Variants in SAMD3 observed in about 807,000 individuals in gnomAD.
The protein encoded by SAMD3 is sterile alpha motif domain-containing protein 3.
In SAMD3, 63 loss-of-function variants were observed where a neutral mutation model predicts 58.5. The observed-to-expected ratio is 1.08, with a 90% CI of 0.88 to 1.33. SAMD3 has a LOEUF of 1.33. SAMD3 is among the 40% of genes most tolerant of loss of function. The pLI, the probability that SAMD3 is intolerant of heterozygous loss-of-function variation, is 0.00. For missense variants in SAMD3, 604 were observed against 608.4 expected, an observed-to-expected ratio of 0.99 and a Z score of 0.08; for synonymous variants, 220 against 210.3, an observed-to-expected ratio of 1.05 and a Z score of -0.40.
At chr6:130,269,342 C>A (rs1774474987) in intron 2 of SAMD3, among the ~76,000 whole-genome samples, 1 of 152,080 alleles carries the variant, frequency 6.6e-6, no homozygotes. Flanking sequence ...CCATTTGGGG[C>A]TGGATATTCT....
chr6:130,183,300 A>C (rs529453360), intron 7 of SAMD3: 6 of 438,658 alleles, frequency 1.4e-5, no homozygotes, highest in Middle Eastern at 5.5e-4. Context: ...TCGCGCCACT[A>C]TACTCCAGCC....
At chr6:130,214,018 A>G (rs915886387) in intron 4 of SAMD3, among the ~76,000 whole-genome samples, 6 of 152,184 alleles carry the variant, frequency 3.9e-5, no homozygotes, top group Non-Finnish European at 8.8e-5. Context: ...TGATTTTAAA[A>G]CCAGAGCTTC....
Position 130,189,405 on chromosome 6 carries a change from C to T in SAMD3, c.384-4782G>A, listed in dbSNP as rs9398941. Among the ~76,000 whole-genome samples, 92 of 152,278 alleles carry T rather than the reference C, an allele frequency of 6.0e-4. No homozygotes were observed. In the East Asian group the frequency reaches 9.6e-3, roughly 16 times the overall value. Reference sequence around the variant, plus strand: ...GGTCAGTGCCTTGATCTCAGGCTTACGGCCTCTAGAACCACCAAAAAATAA... The same window carrying T: ...GGTCAGTGCCTTGATCTCAGGCTTATGGCCTCTAGAACCACCAAAAAATAA... On this transcript the variant is annotated intron_variant, in intron 5 of 11. Coordinates refer to ENST00000439090, the MANE Select transcript of SAMD3 (RefSeq NM_001017373.4).
chr6:130,238,422 T>A (rs1773240527), intron 2 of SAMD3, among the ~76,000 whole-genome samples: 1 of 152,180 alleles, frequency 6.6e-6, no homozygotes, highest in Non-Finnish European at 1.5e-5. Flanking sequence ...TTTAGTTCTA[T>A]CAAGTCAATT....
At chr6:130,254,831 G>T (rs1028003832) in intron 2 of SAMD3, among the ~76,000 whole-genome samples, 2 of 151,852 alleles carry the variant, frequency 1.3e-5, no homozygotes, top group Non-Finnish European at 2.9e-5. Context: ...TGAAGAATTG[G>T]TATTAGTTCT....
At chr6:130,210,994 C>T (rs371139529) in intron 4 of SAMD3, among the ~76,000 whole-genome samples, 3 of 151,992 alleles carry the variant, frequency 2.0e-5, no homozygotes, top group African/African-American at 7.2e-5. Context: ...GTGGCATGTG[C>T]CTATAGTCCC....
chr6:130,245,076 A>G (rs1415434485), intron 2 of SAMD3, among the ~76,000 whole-genome samples: 1 of 152,254 alleles, frequency 6.6e-6, no homozygotes, highest in East Asian at 1.9e-4. Flanking sequence ...CATTTGAATT[A>G]GGAGTGTTCT....
At chr6:130,155,993 T>A (rs1485539973) in intron 8 of SAMD3, among the ~76,000 whole-genome samples, 1 of 152,064 alleles carries the variant, frequency 6.6e-6, no homozygotes, top group African/African-American at 2.4e-5. Context: ...ACAGACAAAA[T>A]CTACTTAACT....
At chr6:130,334,182 T>C (rs1411505272) in intron 1 of SAMD3, among the ~76,000 whole-genome samples, 1 of 152,080 alleles carries the variant, frequency 6.6e-6, no homozygotes, top group Non-Finnish European at 1.5e-5. Context: ...GCCACAAATA[T>C]CATCTGAGGC....
At chr6:130,252,276 A>C (rs2114910806) in intron 2 of SAMD3, among the ~76,000 whole-genome samples, 1 of 152,190 alleles carries the variant, frequency 6.6e-6, no homozygotes, top group African/African-American at 2.4e-5. Flanking sequence ...TTCACTTCCA[A>C]CTTATTTGCA....
chr6:130,304,710 C>T (rs1242021192), intron 2 of SAMD3, among the ~76,000 whole-genome samples: 2 of 151,874 alleles, frequency 1.3e-5, no homozygotes, highest in African/African-American at 4.8e-5. Context: ...AAAAATTATG[C>T]CGAAATTTTA....
intron 1 of SAMD3, among the ~76,000 whole-genome samples, chr6:130,361,298 C>T (rs1188255538): frequency 6.6e-6 from 1 of 152,184 alleles, no homozygotes; most frequent in Non-Finnish European, 1.5e-5. Context: ...TCCATGAAAT[C>T]TTCACAATCC....
chr6:130,325,918 C>G lies in SAMD3; in HGVS notation c.-303-12825G>C, dbSNP rs1001020049. Reference sequence around the variant, plus strand: ...GACCGGCCTGGCTTTCACTTGCCTACTTTTCAATTCTGTCAGACACTTAAT... The same window carrying G: ...GACCGGCCTGGCTTTCACTTGCCTAGTTTTCAATTCTGTCAGACACTTAAT... On this transcript the variant is annotated intron_variant, in intron 1 of 13. Coordinates refer to the SAMD3 transcript ENST00000368134. 1.4e-4 allele frequency among the ~76,000 whole-genome samples: 22 copies of G among 152,316 alleles called. No individual in the cohort carries two copies. In the East Asian group the frequency reaches 4.2e-3, roughly 29 times the overall value.
chr6:130,281,001 A>G (rs1166448628), intron 2 of SAMD3, among the ~76,000 whole-genome samples: 1 of 152,232 alleles, frequency 6.6e-6, no homozygotes, highest in African/African-American at 2.4e-5. Flanking sequence ...TTTCCTACAC[A>G]TATGTGCCTA....
upstream of SAMD3, among the ~76,000 whole-genome samples, chr6:130,225,862 C>T (rs1796370283): frequency 6.6e-6 from 1 of 152,218 alleles, no homozygotes; most frequent in South Asian, 2.1e-4. Flanking sequence ...CTTGCCTGGG[C>T]ACCTATTCCT....
chr6:130,194,180 C>A (rs1363477644), intron 5 of SAMD3, among the ~76,000 whole-genome samples: 1 of 152,166 alleles, frequency 6.6e-6, no homozygotes, highest in Non-Finnish European at 1.5e-5. Flanking sequence ...GTGGCTGGAG[C>A]TAAAGGTATA....
intron 1 of SAMD3, among the ~76,000 whole-genome samples, chr6:130,320,484 G>T (rs1367648735): frequency 6.6e-6 from 1 of 152,124 alleles, no homozygotes; most frequent in Non-Finnish European, 1.5e-5. Context: ...AAACAGCTTG[G>T]CAGTTTTAAA....
chr6:130,267,279 AAT>A (rs1774393901), intron 2 of SAMD3, among the ~76,000 whole-genome samples: 1 of 152,152 alleles, frequency 6.6e-6, no homozygotes, highest in Admixed American at 6.5e-5. Context: ...AAACCCTTAT[AAT>A]AGGAGTTATA....
intron 2 of SAMD3, among the ~76,000 whole-genome samples, chr6:130,301,551 T>C (rs1364183373): frequency 6.6e-6 from 1 of 152,122 alleles, no homozygotes; most frequent in East Asian, 1.9e-4. Flanking sequence ...AAATTACCAA[T>C]GCCATTTTTT....
Sources: allele counts gnomAD v4.1 joint callset (sites outside exome capture counted in the v4.1 genomes callset), GRCh38; gene constraint gnomAD v4.1.1; transcripts MANE v1.5; gene names NCBI Gene and HGNC (gene_info 2026-07-23, HGNC 2026-07-21).